The following CSMD1 variants were observed in gnomAD, a reference collection of about 807,000 sequenced individuals.
CSMD1 encodes the protein CUB and sushi domain-containing protein 1.
A neutral mutation model predicts 417.5 loss-of-function variants in CSMD1; 213 were observed. That is an observed-to-expected ratio of 0.51 (90% CI 0.46 to 0.57). The LOEUF (loss-of-function observed/expected upper bound fraction) is 0.57, where lower values mean the gene tolerates loss of function less well. Ranked by LOEUF, CSMD1 falls within the 20% of genes least tolerant of loss-of-function variation. The pLI, the probability that CSMD1 is intolerant of heterozygous loss-of-function variation, is 0.00. For missense variants in CSMD1, 6,923 were observed against 4,529.7 expected (o/e 1.53, Z -15.17); for synonymous variants, 2,862 against 1,736.8 (o/e 1.65, Z -16.11).
At chr8:4,745,377 C>A (rs899431575) in intron 1 of CSMD1, among the ~76,000 whole-genome samples, 1 of 152,066 alleles carries the variant, frequency 6.6e-6, no homozygotes, top group Non-Finnish European at 1.5e-5. Flanking sequence ...AGTAACAGCA[C>A]CTAAGCTTTA....
chr8:4,311,112 G>A (rs1326272721), intron 3 of CSMD1, among the ~76,000 whole-genome samples: 1 of 152,166 alleles, frequency 6.6e-6, no homozygotes, highest in Non-Finnish European at 1.5e-5. Context: ...AGAGCTAGAA[G>A]CTGAACTGCC....
At chr8:3,936,426 T>A (rs897055749) in intron 5 of CSMD1, among the ~76,000 whole-genome samples, 1 of 152,220 alleles carries the variant, frequency 6.6e-6, no homozygotes, top group Non-Finnish European at 1.5e-5. Flanking sequence ...GAAGACAGGC[T>A]GACTCTCTTC....
At chr8:3,265,029 A>T (rs190598346) in intron 26 of CSMD1, among the ~76,000 whole-genome samples, 1 of 152,218 alleles carries the variant, frequency 6.6e-6, no homozygotes, top group Non-Finnish European at 1.5e-5. Context: ...TTTAAATTAT[A>T]TGGGAAAAGC....
At chr8:3,594,629 G>A (rs1032745434) in intron 8 of CSMD1, among the ~76,000 whole-genome samples, 1 of 152,124 alleles carries the variant, frequency 6.6e-6, no homozygotes, top group African/African-American at 2.4e-5. Flanking sequence ...CAATGACTTA[G>A]GTTTATACCC....
At chr8:4,573,183 TGGA>T (rs1445314042) in intron 2 of CSMD1, among the ~76,000 whole-genome samples, 2 of 152,210 alleles carry the variant, frequency 1.3e-5, no homozygotes, top group Non-Finnish European at 2.9e-5. Context: ...TGTGATCCTT[TGGA>T]GGAGAAGAGG....
At chr8:3,119,049 G>A (rs1460943620) in intron 41 of CSMD1, among the ~76,000 whole-genome samples, 9 of 151,848 alleles carry the variant, frequency 5.9e-5, no homozygotes, top group South Asian at 2.1e-4. Context: ...GCGTGGTGGC[G>A]GGCGCCTGTA....
At chr8:3,109,243 G>A (rs908983366) in intron 43 of CSMD1, among the ~76,000 whole-genome samples, 10 of 152,164 alleles carry the variant, frequency 6.6e-5, no homozygotes, top group East Asian at 1.9e-4. Context: ...CCAGCTGTGC[G>A]ACAGGGCAAG....
intron 8 of CSMD1, among the ~76,000 whole-genome samples, chr8:3,606,695 C>A (rs1801630911): frequency 7.0e-6 from 1 of 142,752 alleles, no homozygotes; most frequent in East Asian, 2.0e-4. Context: ...CTTACTGTAA[C>A]AATTTTACTT....
chr8:4,736,458 C>T (rs537216077), intron 1 of CSMD1, among the ~76,000 whole-genome samples: 1 of 152,178 alleles, frequency 6.6e-6, no homozygotes, highest in South Asian at 2.1e-4. Context: ...GCAGGCCCCT[C>T]AGGTGGGCAA....
chr8:4,115,062 A>C (rs1319961202), intron 3 of CSMD1, among the ~76,000 whole-genome samples: 1 of 152,198 alleles, frequency 6.6e-6, no homozygotes, highest in African/African-American at 2.4e-5. Context: ...AAGAATTGCT[A>C]CTCCGAGCAA....
intron 26 of CSMD1, among the ~76,000 whole-genome samples, 179 bp downstream of exon 26, chr8:3,283,965 T>C (rs1453383367): frequency 2.0e-5 from 3 of 152,270 alleles, no homozygotes; most frequent in African/African-American, 4.8e-5. Flanking sequence ...GCCTCAGCCA[T>C]GAACCCAGCA....
At chr8:3,286,863 A>C (rs1401168022) in intron 25 of CSMD1, among the ~76,000 whole-genome samples, 1 of 152,028 alleles carries the variant, frequency 6.6e-6, no homozygotes, top group African/African-American at 2.4e-5. Context: ...TTTTGTTGCC[A>C]TTGCTTTTGG....
chr8:3,741,213 TAAAAAAAAA>T (rs58662516), intron 6 of CSMD1, among the ~76,000 whole-genome samples: 8 of 67,266 alleles, frequency 1.2e-4, no homozygotes, highest in Middle Eastern at 9.1e-3. Flanking sequence ...GACTCCGTCT[TAAAAAAAAA>T]AAAAAAAAAA....
At chr8:4,199,726 A>G (rs1229324609) in intron 3 of CSMD1, among the ~76,000 whole-genome samples, 1 of 152,194 alleles carries the variant, frequency 6.6e-6, no homozygotes, top group African/African-American at 2.4e-5. Context: ...CTCAGGGATC[A>G]GATGCTTTGA....
At chr8:4,035,106 C>G (rs1342016852) in intron 3 of CSMD1, among the ~76,000 whole-genome samples, 1 of 152,114 alleles carries the variant, frequency 6.6e-6, no homozygotes, top group Non-Finnish European at 1.5e-5. Context: ...TAGTTGTGAG[C>G]TGCCTAACAA....
At chr8:3,891,576 G>A (rs1320553718) in intron 5 of CSMD1, among the ~76,000 whole-genome samples, 1 of 152,054 alleles carries the variant, frequency 6.6e-6, no homozygotes, top group African/African-American at 2.4e-5. Context: ...TCAACTAGTT[G>A]GGAGGCTGAG....
chr8:3,679,776 T>C (rs1407172658), intron 7 of CSMD1, among the ~76,000 whole-genome samples: 2 of 152,312 alleles, frequency 1.3e-5, no homozygotes, highest in Non-Finnish European at 2.9e-5. Flanking sequence ...ATTGACCACA[T>C]AGTTGGAAGT....
At chr8:3,735,667 G>GC (rs1249994345) in intron 6 of CSMD1, among the ~76,000 whole-genome samples, 1 of 152,146 alleles carries the variant, frequency 6.6e-6, no homozygotes, top group African/African-American at 2.4e-5. Flanking sequence ...TGAGAAATGG[G>GC]CTGCCCTCTG....
At chr8:3,580,066 T>G (rs1305444253) in intron 9 of CSMD1, among the ~76,000 whole-genome samples, 1 of 151,888 alleles carries the variant, frequency 6.6e-6, no homozygotes, top group Admixed American at 6.6e-5. Flanking sequence ...ATAGCACCAC[T>G]GTACTACAGC....
Sources: allele counts gnomAD v4.1 joint callset (sites outside exome capture counted in the v4.1 genomes callset), GRCh38; gene constraint gnomAD v4.1.1; transcripts MANE v1.5; gene names NCBI Gene and HGNC (gene_info 2026-07-23, HGNC 2026-07-21).